EPS15: variants seen among roughly 807,000 people sequenced by gnomAD.
The protein encoded by EPS15 is epidermal growth factor receptor substrate 15.
In EPS15, 72 loss-of-function variants were observed where a neutral mutation model predicts 113.8. The observed-to-expected ratio is 0.63, with a 90% confidence interval of 0.52 to 0.77. The LOEUF (loss-of-function observed/expected upper bound fraction) is 0.77, where lower values mean the gene tolerates loss of function less well. Ranked by LOEUF, EPS15 falls within the 30% of genes least tolerant of loss-of-function variation. The pLI, the probability that EPS15 is intolerant of heterozygous loss-of-function variation, is 0.00. For missense variants in EPS15, 1,048 were observed against 1,045.8 expected (o/e 1.00, Z -0.03); for synonymous variants, 344 against 363.4 (o/e 0.95, Z 0.61).
chr1:51,481,290 C>A lies in EPS15; in HGVS notation c.58G>T (p.Glu20Ter). 1 of 1,375,052 alleles carries A rather than the reference C, an allele frequency of 7.3e-7. No individual in the cohort carries two copies. Among genetic ancestry groups the A allele is most frequent in the East Asian group, 2.3e-5 (1 of 43,388 alleles). The allele number at this position is 1,375,052 out of a possible 1,614,324, so 85.2% of individuals were successfully genotyped here. The change falls in exon 2 of 25, where the codon GAA (glutamate) becomes TAA (stop). Residue 20 changes from glutamate (E) to a stop codon, truncating the protein, a stop_gained. Transcript: ENST00000371733. LOFTEE classifies it high-confidence loss of function. ...AATCTTACCTGTCTATAGTATTTTT[C>A]ATATACAGGATTCCCACTTGATAAC... is the stretch of plus-strand genomic sequence containing the variant. ...TQLSSGNPVY[E>*]KYYRQVDTGN...
intron 24 of EPS15, among the ~76,000 whole-genome samples, chr1:51,357,376 G>GAAAAAAAAAAAA (rs56655497): frequency 3.0e-5 from 1 of 33,118 alleles, no homozygotes; most frequent in African/African-American, 1.9e-4. Flanking sequence ...GATTCCATCT[G>GAAAAAAAAAAAA]AAAAAAAAAA....
intron 1 of EPS15, among the ~76,000 whole-genome samples, chr1:51,512,843 CTTTTTTT>C (rs59750666): frequency 1.7e-5 from 2 of 118,716 alleles, no homozygotes; most frequent in Non-Finnish European, 3.4e-5. Flanking sequence ...TGAGCAATAT[CTTTTTTT>C]TTTTTTTTTT....
chr1:51,486,425 CAAAAAA>C (rs35588668), intron 1 of EPS15, among the ~76,000 whole-genome samples: 1 of 84,766 alleles, frequency 1.2e-5, no homozygotes, highest in Admixed American at 1.2e-4. Flanking sequence ...GACTGCATCT[CAAAAAA>C]AAAAAAAAAA....
intron 18 of EPS15, among the ~76,000 whole-genome samples, chr1:51,401,794 G>A (rs527858611): frequency 6.6e-6 from 1 of 152,228 alleles, no homozygotes; most frequent in South Asian, 2.1e-4. Context: ...CCTTACATCA[G>A]GAGTTCAAGA....
intron 8 of EPS15, among the ~76,000 whole-genome samples, chr1:51,454,620 G>C (rs1213309464): frequency 6.6e-6 from 1 of 152,172 alleles, no homozygotes; most frequent in African/African-American, 2.4e-5. Flanking sequence ...TATCTAGCCA[G>C]TATTCTTCAA....
intron 7 of EPS15, among the ~76,000 whole-genome samples, chr1:51,461,521 TAAAAAAAAA>T (rs34184025): frequency 6.8e-4 from 58 of 85,078 alleles, no homozygotes; most frequent in Middle Eastern, 8.8e-3. Context: ...CACTGTTTCT[TAAAAAAAAA>T]AAAAAAAAAA....
intron 12 of EPS15, among the ~76,000 whole-genome samples, chr1:51,425,888 T>C (rs1651157508): frequency 1.3e-5 from 2 of 152,126 alleles, no homozygotes; most frequent in African/African-American, 4.8e-5. Flanking sequence ...GTTTTTAAAT[T>C]TGTTAAAAGG....
intron 21 of EPS15, among the ~76,000 whole-genome samples, chr1:51,383,941 C>A (rs1195184455): frequency 1.3e-5 from 2 of 152,044 alleles, no homozygotes; most frequent in Admixed American, 1.3e-4. Flanking sequence ...TTTCTATATA[C>A]CAACAATGAA....
Position 51,486,413 on chromosome 1 carries a change from G to A in EPS15, c.34-5099C>T, listed in dbSNP as rs113157487. Among the ~76,000 whole-genome samples the A allele has an allele frequency of 8.3e-3, 1,026 of 123,056 alleles. 7 individuals are homozygous for A. Among genetic ancestry groups the A allele is most frequent in the African/African-American group, 0.03 (964 of 32,196 alleles). The allele number at this position is 123,056 out of a possible 152,430, so 80.7% of individuals were successfully genotyped here. ...GCACTCCAGCCTGGGCTACAAGAGC[G>A]AGACTGCATCTCAAAAAAAAAAAAA... On this transcript the variant is annotated intron_variant, in intron 1 of 24. Coordinates refer to ENST00000371733, the MANE Select transcript of EPS15 (RefSeq NM_001981.3).
intron 1 of EPS15, among the ~76,000 whole-genome samples, chr1:51,486,825 TTGTG>T (rs112288630): frequency 6.6e-6 from 1 of 150,894 alleles, no homozygotes; most frequent in East Asian, 1.9e-4. Flanking sequence ...TGGCTAATTT[TTGTG>T]TGTGTGTGTG....
Position 51,400,956 on chromosome 1 carries a change from G to T in EPS15, c.1883-3C>A. 2.5e-6 allele frequency: 4 copies of T among 1,576,450 alleles called. No homozygotes were observed. The highest frequency in any genetic ancestry group is 3.5e-6 in the Non-Finnish European group (4 of 1,157,890). On this transcript the variant is annotated splice_polypyrimidine_tract_variant and splice_region_variant and intron_variant, in intron 18 of 24. Transcript: ENST00000371733. ...AGGATCATCCTTGAAAGGATCACCTGTGATAAAATAAACACAAAGAAATCC... is the reference window on the plus strand; with the variant it reads ...AGGATCATCCTTGAAAGGATCACCTTTGATAAAATAAACACAAAGAAATCC...
chr1:51,446,925 A>C, intron 10 of EPS15, 35 bp downstream of exon 10: 1 of 1,534,178 alleles, frequency 6.5e-7, no homozygotes, highest in Non-Finnish European at 8.8e-7. Flanking sequence ...ATACAAAACC[A>C]TATTTTTAAA....
intron 20 of EPS15, among the ~76,000 whole-genome samples, chr1:51,395,393 C>T (rs1024758749): frequency 3.9e-5 from 6 of 152,140 alleles, no homozygotes; most frequent in African/African-American, 1.4e-4. Flanking sequence ...AATGCACACA[C>T]TATTTTAATT....
At chr1:51,474,890 T>C (rs1655545013) in intron 2 of EPS15, among the ~76,000 whole-genome samples, 1 of 142,306 alleles carries the variant, frequency 7.0e-6, no homozygotes, top group Admixed American at 7.3e-5. Flanking sequence ...GTCCAAGTGT[T>C]TTCATTGTTC....
chr1:51,410,355 C>T (rs1162647518), intron 13 of EPS15, among the ~76,000 whole-genome samples: 1 of 148,152 alleles, frequency 6.7e-6, no homozygotes. Context: ...CATGCCACAG[C>T]ATGCCCAGAC....
intron 21 of EPS15, among the ~76,000 whole-genome samples, chr1:51,367,350 G>C (rs1393797723): frequency 6.6e-6 from 1 of 152,052 alleles, no homozygotes; most frequent in African/African-American, 2.4e-5. Context: ...CCAGGATTTC[G>C]AGACCAGCCT....
chr1:51,421,527 A>T (rs565549450), intron 13 of EPS15, among the ~76,000 whole-genome samples: 1 of 152,298 alleles, frequency 6.6e-6, no homozygotes, highest in South Asian at 2.1e-4. Flanking sequence ...TATAATATGC[A>T]GGTAAGTACC....
chr1:51,385,228 AAAAC>A (rs1647034769), intron 21 of EPS15, among the ~76,000 whole-genome samples: 2 of 152,214 alleles, frequency 1.3e-5, no homozygotes, highest in African/African-American at 2.4e-5. Context: ...AAATTCAACA[AAAAC>A]AACCTGATTT....
intron 2 of EPS15, among the ~76,000 whole-genome samples, chr1:51,473,380 T>G (rs758768783): frequency 6.6e-6 from 1 of 152,206 alleles, no homozygotes; most frequent in Non-Finnish European, 1.5e-5. Context: ...ATCATCAACT[T>G]TCACTTTTAT....
Sources: allele counts gnomAD v4.1 joint callset (sites outside exome capture counted in the v4.1 genomes callset), GRCh38; gene constraint gnomAD v4.1.1; transcripts MANE v1.5; gene names NCBI Gene and HGNC (gene_info 2026-07-23, HGNC 2026-07-21).